The following ZNF513 variants were observed in gnomAD, a reference collection of about 807,000 sequenced individuals.
The protein encoded by ZNF513 is zinc finger protein 513.
Under a neutral mutation model 39.7 loss-of-function variants are expected in ZNF513, and 16 were observed. The observed-to-expected ratio is 0.40, with a 90% confidence interval of 0.27 to 0.61. The LOEUF (loss-of-function observed/expected upper bound fraction) is 0.61, where lower values mean the gene tolerates loss of function less well. Among genes scored for constraint, ZNF513 ranks in the 20% least tolerant of loss-of-function variants. The pLI is 0.39. For missense variants in ZNF513, 699 were observed against 743.6 expected (o/e 0.94, Z 0.70); for synonymous variants, 348 against 296.5 (o/e 1.17, Z -1.79).
rs560324766 is a variant in ZNF513 at position 27,377,416 on chromosome 2, C to G, written c.*129G>C. ...GCAAGGTCCCCTGGTCCATATGGGC[C>G]CCCCCGCCCATGGGGTTGGGCTGGT... is the stretch of plus-strand genomic sequence containing the variant. On this transcript the variant is annotated 3_prime_UTR_variant, in exon 4 of 4. Transcript: ENST00000323703. The surrounding 1 kb of genome is among the most constrained non-coding windows in gnomAD (Gnocchi z 4.4). 2 of 1,026,842 alleles carry G rather than the reference C, an allele frequency of 1.9e-6. No individual in the cohort carries two copies. Among genetic ancestry groups the G allele is most frequent in the African/African-American group, 1.6e-5 (1 of 63,430 alleles). 63.6% of individuals were successfully genotyped at this position (1,026,842 alleles called of 1,614,324 possible).
chr2:27,380,461 T>G lies in ZNF513; in HGVS notation c.55+11A>C, dbSNP rs908563292. 1 of 1,427,708 alleles carries G rather than the reference T, an allele frequency of 7.0e-7. No individual in the cohort carries two copies. The highest frequency in any genetic ancestry group is 9.3e-7 in the Non-Finnish European group (1 of 1,074,716). 88.4% of individuals were successfully genotyped at this position (1,427,708 alleles called of 1,614,324 possible). A position where few individuals can be genotyped will look rare whatever the true frequency, so the allele number is the denominator to read the frequency against. ...CCCGCTCCTCTCCCCTCAAGGCCCC[T>G]GACCCCTGACCTTTGACCCCCTCGC... On this transcript the variant is annotated intron_variant, in intron 1 of 3. Transcript: ENST00000323703.
chr2:27,377,561 T>C lies in ZNF513; in HGVS notation c.1610A>G (p.His537Arg). 2 of 1,614,024 alleles carry C rather than the reference T, an allele frequency of 1.2e-6. No individual in the cohort carries two copies. The highest frequency in any genetic ancestry group is 1.7e-6 in the Non-Finnish European group (2 of 1,180,026). The change falls in exon 4 of 4, where the codon CAC (histidine) becomes CGC (arginine). Residue 537 changes from histidine (H) to arginine (R), a missense_variant. By Grantham distance (29) the His-to-Arg change is conservative (BLOSUM62 0). This residue lies in a region of ZNF513 where 71 missense variants were observed against 64.1 expected (regional missense o/e 1.11). Transcript: ENST00000323703. The surrounding 1 kb of genome is among the most constrained non-coding windows in gnomAD (Gnocchi z 4.4). ...ALGTAGSRAVHTDSS is the reference protein window; with the variant it reads ...ALGTAGSRAVRTDSS ...GGACCTAGTTCAGGATGAGTCTGTG[T>C]GGACAGCCCGGCTGCCAGCAGTCCC...
rs1248115372 is a variant in ZNF513, at chr2:27,378,405, T to C, written c.800-34A>G. ...ACAAAGACCTGGGCTATGAATCCAA[T>C]CCAAGCATTCCTAGGGTCAGCCACC... On this transcript the variant is annotated intron_variant, in intron 3 of 3. Coordinates refer to ENST00000323703, the MANE Select transcript of ZNF513 (RefSeq NM_144631.6). The surrounding 1 kb of genome is among the most constrained non-coding windows in gnomAD (Gnocchi z 8.0). The C allele has an allele frequency of 6.2e-7, 1 of 1,610,950 alleles. No homozygotes were observed. Among genetic ancestry groups the C allele is most frequent in the East Asian group, 2.2e-5 (1 of 44,882 alleles).
rs949818559 is a variant in ZNF513 at position 27,377,293 on chromosome 2, G to A, written c.*252C>T. The A allele has an allele frequency of 1.7e-5, 11 of 639,168 alleles. No homozygotes were observed. The highest frequency in any genetic ancestry group is 2.0e-5 in the Non-Finnish European group (7 of 355,648). 39.6% of individuals were successfully genotyped at this position (639,168 alleles called of 1,614,324 possible). A position where few individuals can be genotyped will look rare whatever the true frequency, so the allele number is the denominator to read the frequency against. The stretch of plus-strand genomic sequence containing the variant: ...AATAAGTTAAATAAACAGGTGGGAG[G>A]CTGGGCAGTCCCCCAGCCGGTTTGT... On this transcript the variant is annotated 3_prime_UTR_variant, in exon 4 of 4. Coordinates refer to ENST00000323703, the MANE Select transcript of ZNF513 (RefSeq NM_144631.6). The surrounding 1 kb of genome is among the most constrained non-coding windows in gnomAD (Gnocchi z 4.4).
intron 1 of ZNF513, 106 bp from the exon 2 acceptor site, chr2:27,380,354 G>A (rs1334696166): frequency 1.2e-6 from 2 of 1,602,030 alleles, no homozygotes; most frequent in Non-Finnish European, 1.7e-6. Context: ...GCCTCGGTGG[G>A]AAGCTAGGAG....
Position 27,380,713 on chromosome 2 carries a change from G to C in ZNF513, c.-187C>G. On this transcript the variant is annotated 5_prime_UTR_variant, in exon 1 of 4. Transcript: ENST00000323703. Reference sequence around the variant, plus strand: ...TCAGGCCGCTCCCGCCGCCGCCGCCGCTTCCATTCATGGAGCCCCCTACCC... The same window carrying C: ...TCAGGCCGCTCCCGCCGCCGCCGCCCCTTCCATTCATGGAGCCCCCTACCC... The C allele has an allele frequency of 9.5e-7, 1 of 1,057,080 alleles. No individual in the cohort carries two copies. Among genetic ancestry groups the C allele is most frequent in the Non-Finnish European group, 1.2e-6 (1 of 828,942 alleles). 65.5% of individuals were successfully genotyped at this position (1,057,080 alleles called of 1,614,324 possible).
At position 27,378,040 on chromosome 2, in the gene ZNF513, C is replaced by T. The variant is rs749364494; in HGVS notation, c.1131G>A (p.Arg377=). ...TCTCACCACTGTGTGTCTTCATGTGCCGGGCCAGGTGGTTGGGATAGTGAG... is the reference window on the plus strand; with the variant it reads ...TCTCACCACTGTGTGTCTTCATGTGTCGGGCCAGGTGGTTGGGATAGTGAG... ...FATHYPNHLA[R]HMKTHSGEKP... is the part of the protein sequence containing the mutation. The change falls in exon 4 of 4, where the codon CGG becomes CGA. Residue 377 remains arginine, a synonymous_variant. Coordinates refer to ENST00000323703, the MANE Select transcript of ZNF513 (RefSeq NM_144631.6). The surrounding 1 kb of genome is among the most constrained non-coding windows in gnomAD (Gnocchi z 8.0). The T allele has an allele frequency of 3.1e-6, 5 of 1,610,684 alleles. No individual in the cohort carries two copies. Among genetic ancestry groups the T allele is most frequent in the Admixed American group, 3.3e-5 (2 of 59,860 alleles).
rs765438983 is a variant in ZNF513, at chr2:27,378,972, C to T, written c.294G>A (p.Glu98=). ...CCCTGGCTGGCTCCTCAACTTCACT[C>T]TCCGCACTTAGTGCCCGGCCGCCCC... ...ESGGGRALSA[E]SEVEEPARGP... is the part of the protein sequence containing the mutation. The change falls in exon 3 of 4, where the codon GAG becomes GAA. Residue 98 remains glutamate, a synonymous_variant. Transcript: ENST00000323703. This position sits in a 1 kb window ranked among gnomAD's most constrained non-coding sequence, Gnocchi z 8.0. 4 of 1,612,898 alleles carry T rather than the reference C, an allele frequency of 2.5e-6. No homozygotes were observed. The highest frequency in any genetic ancestry group is 3.4e-6 in the Non-Finnish European group (4 of 1,179,840).
At chr2:27,379,958 A>G in intron 2 of ZNF513, 135 bp downstream of exon 2, 1 of 1,166,346 alleles carries the variant, frequency 8.6e-7, no homozygotes, top group Non-Finnish European at 1.3e-6. Flanking sequence ...AAACAAATGA[A>G]GTCATCTAGC....
rs1683465175 is a variant in ZNF513 at position 27,378,601 on chromosome 2, C to T, written c.665G>A (p.Arg222Lys). ...CCCTGCGTGGGTACGCTGATGCCGC[C>T]TCAGGTTGCCCAGGCTGCTGCAGGC... Reference protein sequence around the residue: ...PFACSSLGNLRRHQRTHAGPP... With the variant: ...PFACSSLGNLKRHQRTHAGPP... Residue 222 changes from arginine (R) to lysine (K), a missense_variant, in exon 3 of 4, where the codon AGG becomes AAG. Physicochemically the swap from Arg to Lys is conservative, Grantham distance 26. Around this residue, in one of 3 missense-constraint regions of ZNF513, gnomAD observed 530 missense variants for 499.3 expected, o/e 1.06. Transcript: ENST00000323703. The surrounding 1 kb of genome is among the most constrained non-coding windows in gnomAD (Gnocchi z 8.0). 3.7e-6 allele frequency: 6 copies of T among 1,613,764 alleles called. No homozygotes were observed. Among genetic ancestry groups the T allele is most frequent in the Middle Eastern group, 1.6e-4 (1 of 6,082 alleles).
In ZNF513 at chr2:27,377,664, C is replaced by G; in HGVS notation, c.1507G>C (p.Gly503Arg). 1 of 1,614,146 alleles carries G rather than the reference C, an allele frequency of 6.2e-7. No homozygotes were observed. The highest frequency in any genetic ancestry group is 8.5e-7 in the Non-Finnish European group (1 of 1,180,034). The change falls in exon 4 of 4, where the codon GGT becomes CGT. Residue 503 changes from glycine (G) to arginine (R), a missense_variant. Around this residue, in one of 3 missense-constraint regions of ZNF513, gnomAD observed 71 missense variants for 64.1 expected, o/e 1.11. Coordinates refer to ENST00000323703, the MANE Select transcript of ZNF513 (RefSeq NM_144631.6). The surrounding 1 kb of genome is among the most constrained non-coding windows in gnomAD (Gnocchi z 4.4). ...GCCCAGCCCTCAGAGGCAGAGAGAC[C>G]AGGCCCTCCTGCCCCACCGTGGCCA... ...VHGHGGAGGP[G>R]LSASEGWAPP... is the part of the protein sequence containing the mutation.
intron 2 of ZNF513, 101 bp from the exon 3 acceptor site, chr2:27,379,155 C>T: frequency 8.4e-7 from 1 of 1,188,638 alleles, no homozygotes; most frequent in Non-Finnish European, 1.2e-6. Flanking sequence ...TGGCTCCACC[C>T]TTAGCTTTGA....
intron 1 of ZNF513, 22 bp from the exon 2 acceptor site, chr2:27,380,270 T>C: frequency 6.2e-7 from 1 of 1,613,564 alleles, no homozygotes; most frequent in South Asian, 1.1e-5. Context: ...AGGGGGCTTG[T>C]GGATTCTCCC....
Position 27,378,434 on chromosome 2 carries a change from G to C in ZNF513, c.799+33C>G, listed in dbSNP as rs992135142. ...AGCATTCCTAGGGTCAGCCACCCAT[G>C]TCCCAAGATCTTTGGTCCCTGGTGT... On this transcript the variant is annotated intron_variant, in intron 3 of 3. Coordinates refer to ENST00000323703, the MANE Select transcript of ZNF513 (RefSeq NM_144631.6). This position sits in a 1 kb window ranked among gnomAD's most constrained non-coding sequence, Gnocchi z 8.0. 6.2e-7 allele frequency: 1 copy of C among 1,613,554 alleles called. No homozygotes were observed. Among genetic ancestry groups the C allele is most frequent in the South Asian group, 1.1e-5 (1 of 91,086 alleles).
In ZNF513 at chr2:27,380,217, G is replaced by A; in HGVS notation, c.87C>T (p.Pro29=). 1 of 1,613,942 alleles carries A rather than the reference G, an allele frequency of 6.2e-7. No individual in the cohort carries two copies. Among genetic ancestry groups the A allele is most frequent in the East Asian group, 2.2e-5 (1 of 44,856 alleles). Residue 29 remains proline, a synonymous_variant, in exon 2 of 4, where the codon CCC becomes CCT. Coordinates refer to ENST00000323703, the MANE Select transcript of ZNF513 (RefSeq NM_144631.6). ...AATCACTCTCCAATACCAGGGCCCCGGGTCCTTCGTCGAGGGAGTCTTCAG... is the reference window on the plus strand; with the variant it reads ...AATCACTCTCCAATACCAGGGCCCCAGGTCCTTCGTCGAGGGAGTCTTCAG... ...VDTEDSLDEG[P]GALVLESDLL... is the part of the protein sequence containing the mutation.
chr2:27,378,847 C>G lies in ZNF513; in HGVS notation c.419G>C (p.Gly140Ala). 2 of 1,606,434 alleles carry G rather than the reference C, an allele frequency of 1.2e-6. No individual in the cohort carries two copies. The highest frequency in any genetic ancestry group is 1.7e-6 in the Non-Finnish European group (2 of 1,176,482). Residue 140 changes from glycine to alanine, a missense_variant, in exon 3 of 4, where the codon GGG becomes GCG. By Grantham distance (60) the Gly-to-Ala change is moderately conservative. Coordinates refer to ENST00000323703, the MANE Select transcript of ZNF513 (RefSeq NM_144631.6). This position sits in a 1 kb window ranked among gnomAD's most constrained non-coding sequence, Gnocchi z 8.0. ...GPCCGAGGPG[G>A]GPLLPPRLLY... ...TAGCCGTGGGGGCAGCAGGGGCCCC[C>G]CACCCGGCCCTCCTGCCCCACAACA... is the stretch of plus-strand genomic sequence containing the variant.
At chr2:27,379,579 C>G (rs1385986820) in intron 2 of ZNF513, among the ~76,000 whole-genome samples, 1 of 152,136 alleles carries the variant, frequency 6.6e-6, no homozygotes, top group Non-Finnish European at 1.5e-5. Context: ...CAATGACTTT[C>G]AAAAAACATC....
At position 27,380,516 on chromosome 2, in the gene ZNF513, C is replaced by T; in HGVS notation, c.11G>A (p.Arg4Lys). 6.3e-7 allele frequency: 1 copy of T among 1,581,280 alleles called. No individual in the cohort carries two copies. Among genetic ancestry groups the T allele is most frequent in the Non-Finnish European group, 8.7e-7 (1 of 1,154,384 alleles). The change falls in exon 1 of 4, where the codon AGG becomes AAG. Residue 4 changes from arginine (R) to lysine (K), a missense_variant. Arg to Lys is a conservative substitution (Grantham distance 26). Around this residue, in one of 3 missense-constraint regions of ZNF513, gnomAD observed 530 missense variants for 499.3 expected, o/e 1.06. Coordinates refer to ENST00000323703, the MANE Select transcript of ZNF513 (RefSeq NM_144631.6). MPR[R>K]KQSHPQPVKC... ...CACGGGCTGCGGGTGGCTTTGCTTCCTTCGGGGCATCGTGACCGGCTCCAG... is the reference window on the plus strand; with the variant it reads ...CACGGGCTGCGGGTGGCTTTGCTTCTTTCGGGGCATCGTGACCGGCTCCAG...
chr2:27,377,403 G>T lies in ZNF513; in HGVS notation c.*142C>A. 2 of 890,654 alleles carry T rather than the reference G, an allele frequency of 2.2e-6. No individual in the cohort carries two copies. The highest frequency in any genetic ancestry group is 3.6e-6 in the Non-Finnish European group (2 of 555,998). The allele number at this position is 890,654 out of a possible 1,614,324, so 55.2% of individuals were successfully genotyped here. On this transcript the variant is annotated 3_prime_UTR_variant, in exon 4 of 4. Coordinates refer to ENST00000323703, the MANE Select transcript of ZNF513 (RefSeq NM_144631.6). The surrounding 1 kb of genome is among the most constrained non-coding windows in gnomAD (Gnocchi z 4.4). The stretch of plus-strand genomic sequence containing the variant: ...TGCCTCAGTCAAGGCAAGGTCCCCT[G>T]GTCCATATGGGCCCCCCCGCCCATG...
Sources: gnomAD v4.1 joint callset for allele counts (sites outside exome capture counted in the v4.1 genomes callset) on GRCh38, gnomAD v4.1.1 for gene constraint, gnomAD v4.1.1 regional missense constraint, Gnocchi (gnomAD v3.1) non-coding constraint, MANE v1.5 for transcripts, NCBI Gene and HGNC (gene_info 2026-07-23, HGNC 2026-07-21) for gene names.